PPFIA1: variants seen among roughly 807,000 people sequenced by gnomAD.
The protein encoded by PPFIA1 is liprin-alpha-1.
Under a neutral mutation model 149.9 loss-of-function variants are expected in PPFIA1, and 25 were observed. The ratio of observed to expected loss-of-function variants is 0.17; its 90% CI spans 0.12 to 0.23. PPFIA1 has a LOEUF of 0.23. PPFIA1 is among the 10% of genes least tolerant of loss of function. PPFIA1 has a pLI of 1.00. For missense variants in PPFIA1, 1,362 were observed against 1,506.5 expected (o/e 0.90, Z 1.59); for synonymous variants, 549 against 552.8 (o/e 0.99, Z 0.10).
chr11:70,318,838 G>T (rs1232759480), intron 2 of PPFIA1, among the ~76,000 whole-genome samples: 3 of 152,208 alleles, frequency 2.0e-5, no homozygotes, highest in African/African-American at 7.2e-5. Context: ...ATCTTGAAGG[G>T]TTTCCTGGTT....
rs1163265113 is a variant in PPFIA1, at chr11:70,270,715, C to G, written c.-200C>G. 1 of 151,244 alleles carries G rather than the reference C, an allele frequency of 6.6e-6. No individual in the cohort carries two copies. Among genetic ancestry groups the G allele is most frequent in the East Asian group, 1.9e-4 (1 of 5,134 alleles). The allele number at this position is 151,244 out of a possible 1,614,324, so 9.4% of individuals were successfully genotyped here. A position where few individuals can be genotyped will look rare whatever the true frequency, so the allele number is the denominator to read the frequency against. ...AGACGCCGGCGCCGCGCAGCCGGGCCCGCTCCTCCTCCGCTCCGCCAGTGT... is the reference window on the plus strand; with the variant it reads ...AGACGCCGGCGCCGCGCAGCCGGGCGCGCTCCTCCTCCGCTCCGCCAGTGT... On this transcript the variant is annotated 5_prime_UTR_variant, in exon 1 of 28. Transcript: ENST00000253925.
At chr11:70,298,536 A>G (rs1421803118) in intron 2 of PPFIA1, among the ~76,000 whole-genome samples, 1 of 152,116 alleles carries the variant, frequency 6.6e-6, no homozygotes, top group Non-Finnish European at 1.5e-5. Flanking sequence ...AATGGTTGTT[A>G]TTAAAAGGCC....
intron 11 of PPFIA1, among the ~76,000 whole-genome samples, chr11:70,336,825 C>G (rs2055008224): frequency 6.6e-6 from 1 of 152,100 alleles, no homozygotes; most frequent in African/African-American, 2.4e-5. Flanking sequence ...CAGAAACTGC[C>G]CTGAGATTGG....
At chr11:70,284,153 G>A in intron 2 of PPFIA1, 1 of 425,322 alleles carries the variant, frequency 2.4e-6, no homozygotes, top group Non-Finnish European at 4.7e-6. Flanking sequence ...ATTGGAATAA[G>A]GTAAAACTAG....
intron 14 of PPFIA1, 85 bp downstream of exon 14, chr11:70,339,391 GT>G (rs879609188): frequency 2.1e-5 from 31 of 1,472,156 alleles, no homozygotes; most frequent in Non-Finnish European, 2.7e-5. Context: ...GGATAAAAAT[GT>G]TGATAGGTCA....
intron 15 of PPFIA1, among the ~76,000 whole-genome samples, chr11:70,346,886 T>A (rs1241006251): frequency 6.6e-6 from 1 of 152,184 alleles, no homozygotes. Context: ...ACTAGAATAA[T>A]TATTATTGGC....
intron 2 of PPFIA1, chr11:70,320,278 G>T (rs2053858012): frequency 6.6e-6 from 1 of 152,170 alleles, no homozygotes; most frequent in South Asian, 2.1e-4. Flanking sequence ...TACACAAACA[G>T]ACTAGAAACC....
At chr11:70,376,632 C>A (rs1042180528) in intron 25 of PPFIA1, 32 bp downstream of exon 25, 1 of 1,502,706 alleles carries the variant, frequency 6.7e-7, no homozygotes, top group Admixed American at 1.7e-5. Context: ...CTTTAAATGT[C>A]TGAAATGTGT....
chr11:70,326,053 G>A (rs541698478), intron 5 of PPFIA1, among the ~76,000 whole-genome samples: 2 of 152,232 alleles, frequency 1.3e-5, no homozygotes, highest in East Asian at 3.9e-4. Flanking sequence ...CAAAATGATG[G>A]TTACCTAAGG....
chr11:70,274,140 A>C (rs1324179073), intron 2 of PPFIA1, among the ~76,000 whole-genome samples: 3 of 152,222 alleles, frequency 2.0e-5, no homozygotes, highest in Admixed American at 6.5e-5. Context: ...ACTATTAAGT[A>C]AACTTGTTTT....
At position 70,372,246 on chromosome 11, in the gene PPFIA1, G is replaced by T. The variant is rs2057301286; in HGVS notation, c.2897G>T (p.Trp966Leu). Reference protein sequence around the residue: ...TLAYGDMNHEWIGNEWLPSLG... With the variant: ...TLAYGDMNHELIGNEWLPSLG... ...GCCTATGGGGACATGAACCACGAGT[G>T]GATCGGCAACGAGTGGCTCCCCAGC... Residue 966 changes from tryptophan to leucine, a missense_variant, in exon 22 of 28, where the codon TGG becomes TTG. Physicochemically the swap from Trp to Leu is moderately conservative, Grantham distance 61. Around this residue, in one of 7 missense-constraint regions of PPFIA1, gnomAD observed 349 missense variants for 373.3 expected, o/e 0.93. Coordinates refer to ENST00000253925, the MANE Select transcript of PPFIA1 (RefSeq NM_003626.5). The T allele has an allele frequency of 6.2e-7, 1 of 1,614,028 alleles. No homozygotes were observed. The highest frequency in any genetic ancestry group is 8.5e-7 in the Non-Finnish European group (1 of 1,180,032).
At chr11:70,331,810 AAAAACC>A in intron 8 of PPFIA1, 144 bp from the exon 9 acceptor site, 1 of 749,214 alleles carries the variant, frequency 1.3e-6, no homozygotes, top group Non-Finnish European at 1.9e-6. Context: ...AAACAAAAAC[AAAAACC>A]TGACCCAGAA....
At chr11:70,300,392 C>T (rs532141237) in intron 2 of PPFIA1, among the ~76,000 whole-genome samples, 7 of 152,074 alleles carry the variant, frequency 4.6e-5, no homozygotes, top group South Asian at 2.1e-4. Flanking sequence ...TATTTTGAGA[C>T]GGAGTCTTTC....
intron 2 of PPFIA1, among the ~76,000 whole-genome samples, chr11:70,310,225 C>T (rs1026369494): frequency 1.3e-5 from 2 of 152,120 alleles, no homozygotes; most frequent in African/African-American, 4.8e-5. Context: ...CTGGCAATGC[C>T]ACTGTAGCTG....
intron 24 of PPFIA1, among the ~76,000 whole-genome samples, chr11:70,376,247 C>A (rs1298170560): frequency 1.3e-5 from 2 of 152,170 alleles, no homozygotes; most frequent in Non-Finnish European, 2.9e-5. Flanking sequence ...TCTCGGCCTC[C>A]CAAAGTACTG....
chr11:70,294,410 G>C (rs1219330560), intron 2 of PPFIA1, among the ~76,000 whole-genome samples: 1 of 152,134 alleles, frequency 6.6e-6, no homozygotes, highest in Non-Finnish European at 1.5e-5. Context: ...GAAGGGATAT[G>C]CCCACGTCCT....
intron 2 of PPFIA1, among the ~76,000 whole-genome samples, chr11:70,284,683 G>A (rs192768301): frequency 4.6e-4 from 70 of 152,340 alleles, no homozygotes; most frequent in Admixed American, 1.5e-3. Flanking sequence ...TTGGCTTAGA[G>A]CTGAGGGATG....
At chr11:70,325,276 A>G (rs945245308) in intron 4 of PPFIA1, 57 of 449,796 alleles carry the variant, frequency 1.3e-4, no homozygotes, top group African/African-American at 1.2e-3. Flanking sequence ...TTACTTTTGC[A>G]ACAACCTGAT....
At chr11:70,338,309 T>C in intron 12 of PPFIA1, 65 bp from the exon 13 acceptor site, 2 of 1,286,592 alleles carry the variant, frequency 1.6e-6, no homozygotes, top group South Asian at 1.2e-5. Flanking sequence ...CTGAGCACAT[T>C]TGAAGTAAGT....
Sources: allele counts gnomAD v4.1 joint callset (sites outside exome capture counted in the v4.1 genomes callset), GRCh38; gene constraint gnomAD v4.1.1; regional missense constraint gnomAD v4.1.1; transcripts MANE v1.5; gene names NCBI Gene and HGNC (gene_info 2026-07-23, HGNC 2026-07-21).